The following CCP110 variants were observed in gnomAD, a reference collection of about 807,000 sequenced individuals.
CCP110 encodes the protein centriolar coiled-coil protein of 110 kDa.
In CCP110, 43 loss-of-function variants were observed where a neutral mutation model predicts 105.5. That is an observed-to-expected ratio of 0.41 (90% CI 0.32 to 0.53). CCP110 has a LOEUF of 0.53. Among genes scored for constraint, CCP110 ranks in the 20% least tolerant of loss-of-function variants. The pLI, the probability that CCP110 is intolerant of heterozygous loss-of-function variation, is 0.32. For synonymous variants in CCP110, 353 were observed against 392.1 expected (o/e 0.90, Z 1.18); for missense variants, 1,016 against 1,189.1 (o/e 0.85, Z 2.14).
In CCP110 at chr16:19,544,858, C is replaced by G; in HGVS notation, c.2546C>G (p.Ser849Ter). 1 of 1,604,972 alleles carries G rather than the reference C, an allele frequency of 6.2e-7. No homozygotes were observed. Among genetic ancestry groups the G allele is most frequent in the Non-Finnish European group, 8.5e-7 (1 of 1,172,188 alleles). ...GCACCATTAAAGAGAGGCATTGTTTCAGCTCAAGATGCTTCACTTCAGGAA... is the reference window on the plus strand; with the variant it reads ...GCACCATTAAAGAGAGGCATTGTTTGAGCTCAAGATGCTTCACTTCAGGAA... Residue 849 changes from serine to a stop codon, truncating the protein, a stop_gained, in exon 9 of 15, where the codon TCA becomes TGA. Coordinates refer to ENST00000381396, the Ensembl canonical transcript of CCP110. LOFTEE classifies it high-confidence loss of function.
At chr16:19,541,848 A>G (rs1054478058) in intron 5 of CCP110, 39 bp from the exon 6 acceptor site, 1 of 1,188,880 alleles carries the variant, frequency 8.4e-7, no homozygotes, top group Non-Finnish European at 1.2e-6. Flanking sequence ...GGACATAATT[A>G]AAAGGTTTAG....
chr16:19,550,806 T>A (rs1970612994), intron 14 of CCP110, among the ~76,000 whole-genome samples: 1 of 152,238 alleles, frequency 6.6e-6, no homozygotes, highest in Non-Finnish European at 1.5e-5. Flanking sequence ...TCGTAAGTGA[T>A]CTTTGACTTA....
Position 19,543,854 on chromosome 16 carries a change from C to T in CCP110, c.2484+860C>T, listed in dbSNP as rs564800413. Among the ~76,000 whole-genome samples, 5 of 152,290 alleles carry T rather than the reference C, an allele frequency of 3.3e-5. No individual in the cohort carries two copies. In the East Asian group the frequency reaches 7.7e-4, roughly 24 times the overall value. ...AATTTGTGGTCGGACCAGTTCTCTG[C>T]TCTCAAACCCTGTTTCCTTTTAAGA... On this transcript the variant is annotated intron_variant, in intron 8 of 14. Transcript: ENST00000381396.
At chr16:19,535,378 G>A (rs1355593916) in intron 3 of CCP110, among the ~76,000 whole-genome samples, 2 of 151,768 alleles carry the variant, frequency 1.3e-5, no homozygotes, top group Admixed American at 1.3e-4. Flanking sequence ...ACAAAGTTTA[G>A]TTAAACTTTG....
At chr16:19,536,295 A>G in exon 4 of CCP110, 1 of 1,613,522 alleles carries the variant, frequency 6.2e-7, no homozygotes, top group Non-Finnish European at 8.5e-7. Context: ...TCAGTAAATG[A>G]ACAACAGGAT....
At chr16:19,528,872 A>G (rs1367463683) in intron 2 of CCP110, among the ~76,000 whole-genome samples, 3 of 152,154 alleles carry the variant, frequency 2.0e-5, no homozygotes, top group Admixed American at 6.5e-5. Flanking sequence ...CCTGGACTAC[A>G]GAGAAAGACC....
At chr16:19,524,402 G>A (rs1301152456) in intron 1 of CCP110, among the ~76,000 whole-genome samples, 1 of 152,158 alleles carries the variant, frequency 6.6e-6, no homozygotes, top group Non-Finnish European at 1.5e-5. Context: ...AATAAAACTC[G>A]GGCCAGAGCC....
At chr16:19,537,652 G>T (rs1183450226) in intron 4 of CCP110, 65 bp downstream of exon 4, 1 of 920,414 alleles carries the variant, frequency 1.1e-6, no homozygotes, top group South Asian at 1.9e-5. Flanking sequence ...ACTCTTAATT[G>T]ACATTTTTGG....
rs773172654 is a variant in CCP110 at position 19,543,012 on chromosome 16, C to T, written c.2484+18C>T. 1.1e-5 allele frequency: 15 copies of T among 1,314,172 alleles called. No individual in the cohort carries two copies. Among genetic ancestry groups the T allele is most frequent in the Middle Eastern group, 2.2e-4 (1 of 4,648 alleles). 81.4% of individuals were successfully genotyped at this position (1,314,172 alleles called of 1,614,324 possible). On this transcript the variant is annotated intron_variant, in intron 8 of 14. Transcript: ENST00000381396. ...CTGTAAAAGTAAGATTCCTGTAAAT[C>T]GTTTGTATTTCACTTCTGTCTTAGT...
intron 1 of CCP110, chr16:19,526,109 AC>A (rs748728828): frequency 4.6e-5 from 7 of 152,222 alleles, no homozygotes; most frequent in Non-Finnish European, 8.8e-5. Flanking sequence ...ATAATATAGT[AC>A]TATACATCTG....
chr16:19,539,802 C>CTT (rs1163681897), intron 4 of CCP110, among the ~76,000 whole-genome samples: 6,532 of 141,380 alleles, frequency 0.046, 172 homozygotes, highest in African/African-American at 0.073. Context: ...GTGGAAATTT[C>CTT]TTTTTTTTTT....
rs935025594 is a variant in CCP110 at position 19,544,906 on chromosome 16, C to T, written c.2586+8C>T. ...GAAAGAGTGTTAGCTCAGGTAAATA[C>T]ATGGATCCTGAAGGCTTTTAAGACA... On this transcript the variant is annotated splice_region_variant and intron_variant, in intron 9 of 14. Coordinates refer to ENST00000381396, the Ensembl canonical transcript of CCP110. 1 of 1,426,218 alleles carries T rather than the reference C, an allele frequency of 7.0e-7. No individual in the cohort carries two copies. Among genetic ancestry groups the T allele is most frequent in the East Asian group, 2.3e-5 (1 of 43,900 alleles). The allele number at this position is 1,426,218 out of a possible 1,614,324, so 88.3% of individuals were successfully genotyped here.
At chr16:19,531,304 G>A (rs11639559) in intron 2 of CCP110, among the ~76,000 whole-genome samples, 4,075 of 152,216 alleles carry the variant, frequency 0.027, 77 homozygotes, top group Non-Finnish European at 0.041. Flanking sequence ...CTTTTATGTT[G>A]TATTTGATAG....
intron 10 of CCP110, 149 bp from the exon 11 acceptor site, chr16:19,545,668 G>C (rs1462018960): frequency 5.1e-6 from 3 of 588,194 alleles, no homozygotes; most frequent in Non-Finnish European, 9.0e-6. Flanking sequence ...GAATTAGACT[G>C]CTTCAAAAAT....
At chr16:19,537,157 T>C (rs771168953) in exon 4 of CCP110, 4 of 1,614,088 alleles carry the variant, frequency 2.5e-6, no homozygotes, top group East Asian at 4.5e-5. Context: ...TAATGAACAG[T>C]ACCTGTGCTG....
At chr16:19,538,807 A>C (rs1400498112) in intron 4 of CCP110, among the ~76,000 whole-genome samples, 1 of 151,964 alleles carries the variant, frequency 6.6e-6, no homozygotes, top group African/African-American at 2.4e-5. Context: ...GGCTCTGAGT[A>C]GGTGGTTCAA....
chr16:19,527,891 T>C, exon 2 of CCP110: 2 of 1,612,770 alleles, frequency 1.2e-6, no homozygotes, highest in Non-Finnish European at 1.7e-6. Context: ...GATGGAGGAG[T>C]ATGAGAAGTT....
exon 4 of CCP110, chr16:19,536,875 A>G: frequency 6.2e-7 from 1 of 1,614,166 alleles, no homozygotes; most frequent in South Asian, 1.1e-5. Flanking sequence ...TAAGCCCTAA[A>G]GGAAAAGAAC....
rs1197916640 is a variant in CCP110 at position 19,548,583 on chromosome 16, A to G, written c.2969A>G (p.Asn990Ser). The G allele has an allele frequency of 1.2e-5, 19 of 1,548,550 alleles. No individual in the cohort carries two copies. Among genetic ancestry groups the G allele is most frequent in the Non-Finnish European group, 1.7e-5 (19 of 1,145,418 alleles). The change falls in exon 14 of 15, where the codon AAC (asparagine) becomes AGC (serine). Residue 990 changes from asparagine to serine, a missense_variant. By Grantham distance (46) the Asn-to-Ser change is conservative. Transcript: ENST00000381396. The surrounding 1 kb of genome is among the most constrained non-coding windows in gnomAD (Gnocchi z 4.1). ...AAGCCTTCACAGAGCAGAGTGCCTAACAGAGTGCCTGTTTCAGGTTTGTAG... is the reference window on the plus strand; with the variant it reads ...AAGCCTTCACAGAGCAGAGTGCCTAGCAGAGTGCCTGTTTCAGGTTTGTAG...
Sources: gnomAD v4.1 joint callset for allele counts (sites outside exome capture counted in the v4.1 genomes callset) on GRCh38, gnomAD v4.1.1 for gene constraint, Gnocchi (gnomAD v3.1) non-coding constraint, MANE v1.5 for transcripts, NCBI Gene and HGNC (gene_info 2026-07-23, HGNC 2026-07-21) for gene names.